KALRN: variants seen among roughly 807,000 people sequenced by gnomAD.
KALRN encodes kalirin RhoGEF kinase, also known as kalirin.
Under a neutral mutation model 353.7 loss-of-function variants are expected in KALRN, and 70 were observed. That is an observed-to-expected ratio of 0.20 (90% CI 0.16 to 0.24). The LOEUF (loss-of-function observed/expected upper bound fraction) is 0.24. Ranked by LOEUF, KALRN falls within the 10% of genes least tolerant of loss-of-function variation. The pLI is 1.00. For synonymous variants in KALRN, 1,391 were observed against 1,434.8 expected (o/e 0.97, Z 0.69); for missense variants, 2,791 against 3,756.7 (o/e 0.74, Z 6.72).
intron 1 of KALRN, chr3:124,164,023 TCACA>T (rs2070421132): frequency 5.2e-6 from 5 of 969,226 alleles, no homozygotes; most frequent in Non-Finnish European, 6.1e-6. Flanking sequence ...ACTGCAGAAC[TCACA>T]CACTTAACTG....
At chr3:124,577,368 T>C (rs2074216556) in intron 34 of KALRN, among the ~76,000 whole-genome samples, 1 of 152,052 alleles carries the variant, frequency 6.6e-6, no homozygotes, top group African/African-American at 2.4e-5. Context: ...AGCTCAGTAA[T>C]GGTTCAGTCA....
At chr3:124,355,709 CTTTTTTT>C (rs3055894) in intron 10 of KALRN, among the ~76,000 whole-genome samples, 38,856 of 97,738 alleles carry the variant, frequency 0.4, 5,566 homozygotes, top group East Asian at 0.66. Flanking sequence ...TCTCTCCCAT[CTTTTTTT>C]TTTTTTTTTT....
intron 3 of KALRN, among the ~76,000 whole-genome samples, chr3:124,251,590 C>T (rs10934661): frequency 0.28 from 42,609 of 151,984 alleles, 7,242 homozygotes; most frequent in Non-Finnish European, 0.37. Flanking sequence ...AGGCTGGTCT[C>T]GAACCCCTGA....
chr3:124,214,115 A>C (rs1362208989), intron 1 of KALRN, among the ~76,000 whole-genome samples: 1 of 152,186 alleles, frequency 6.6e-6, no homozygotes. Flanking sequence ...CCAACTTTTC[A>C]GAGATAACTG....
chr3:124,128,942 G>A (rs894957556), intron 1 of KALRN, among the ~76,000 whole-genome samples: 7 of 151,940 alleles, frequency 4.6e-5, no homozygotes, highest in Admixed American at 2.0e-4. Context: ...CTCTGCACAG[G>A]GATAGAAGCA....
At chr3:124,398,292 G>A (rs114709991) in intron 12 of KALRN, among the ~76,000 whole-genome samples, 1,575 of 152,252 alleles carry the variant, frequency 0.01, 11 homozygotes, top group Non-Finnish European at 0.017. Context: ...TAGTATGTTT[G>A]TCTGTACGTA....
intron 1 of KALRN, among the ~76,000 whole-genome samples, chr3:124,199,337 C>T (rs1270420202): frequency 6.6e-6 from 1 of 152,192 alleles, no homozygotes; most frequent in Admixed American, 6.5e-5. Flanking sequence ...TTTCCCAATG[C>T]CTTAGACCTC....
At chr3:124,360,589 T>C (rs1672797033) in intron 10 of KALRN, among the ~76,000 whole-genome samples, 1 of 152,204 alleles carries the variant, frequency 6.6e-6, no homozygotes, top group South Asian at 2.1e-4. Flanking sequence ...TCAGAGAGCA[T>C]TGGCATGGTT....
At chr3:124,108,361 T>C (rs2062517164) in intron 1 of KALRN, among the ~76,000 whole-genome samples, 1 of 152,244 alleles carries the variant, frequency 6.6e-6, no homozygotes, top group Non-Finnish European at 1.5e-5. Context: ...AATTAGTATA[T>C]TCTTGACTCA....
chr3:124,492,009 C>G (rs565178853), intron 31 of KALRN, among the ~76,000 whole-genome samples: 1 of 152,242 alleles, frequency 6.6e-6, no homozygotes, highest in East Asian at 1.9e-4. Context: ...CTCTGGGGCA[C>G]AGCAGTGATG....
intron 1 of KALRN, among the ~76,000 whole-genome samples, chr3:124,054,175 CA>C (rs1334647351): frequency 6.6e-6 from 1 of 152,040 alleles, no homozygotes; most frequent in Non-Finnish European, 1.5e-5. Context: ...GTTTTTTCAG[CA>C]TCAGCTGCAG....
At chr3:124,338,100 T>C (rs1178775334) in intron 9 of KALRN, among the ~76,000 whole-genome samples, 1 of 152,212 alleles carries the variant, frequency 6.6e-6, no homozygotes, top group African/African-American at 2.4e-5. Context: ...CTGGATTCAC[T>C]GATTTTTTGA....
At chr3:124,595,039 A>T (rs1223091714) in intron 34 of KALRN, among the ~76,000 whole-genome samples, 1 of 151,998 alleles carries the variant, frequency 6.6e-6, no homozygotes, top group East Asian at 1.9e-4. Context: ...TATTGCAACT[A>T]GGAAGAGAAC....
At chr3:124,151,149 C>T (rs1176603792) in intron 1 of KALRN, among the ~76,000 whole-genome samples, 3 of 152,118 alleles carry the variant, frequency 2.0e-5, no homozygotes, top group East Asian at 1.9e-4. Context: ...TGGATACTCT[C>T]GTACATATCT....
intron 34 of KALRN, among the ~76,000 whole-genome samples, chr3:124,573,728 T>C (rs953128656): frequency 6.6e-6 from 1 of 152,156 alleles, no homozygotes; most frequent in African/African-American, 2.4e-5. Flanking sequence ...CCTCAGTCTC[T>C]ATTCCTAACC....
intron 28 of KALRN, among the ~76,000 whole-genome samples, chr3:124,487,047 C>A (rs1270925600): frequency 1.3e-5 from 2 of 152,180 alleles, no homozygotes; most frequent in Non-Finnish European, 2.9e-5. Flanking sequence ...AAGATTTGAT[C>A]TGGTGAACTT....
Position 124,671,855 on chromosome 3 carries a change from G to A in KALRN, c.6899G>A (p.Gly2300Glu), listed in dbSNP as rs1293385472. The change falls in exon 48 of 60, where the codon GGG (glycine) becomes GAG (glutamate). Residue 2300 changes from glycine to glutamate, a missense_variant. Physicochemically the swap from Gly to Glu is moderately conservative, Grantham distance 98. This residue lies in a region of KALRN where 1,065 missense variants were observed against 1,156.4 expected (regional missense o/e 0.92). Coordinates refer to ENST00000682506, the MANE Select transcript of KALRN (RefSeq NM_001388419.1). ...ATATCTACCTCCAATGGCAGTCCAG[G>A]GTTTGAATACCACCAGCCTGGGGAC... ...LKISTSNGSP[G>E]FEYHQPGDKF... The A allele has an allele frequency of 6.2e-6, 10 of 1,613,960 alleles. No individual in the cohort carries two copies. Among genetic ancestry groups the A allele is most frequent in the Non-Finnish European group, 8.5e-6 (10 of 1,180,036 alleles).
chr3:124,671,746 C>G lies in KALRN; in HGVS notation c.6790C>G (p.Pro2264Ala). Residue 2264 changes from proline to alanine, a missense_variant, in exon 48 of 60, where the codon CCC (proline) becomes GCC (alanine). Around this residue, in one of 11 missense-constraint regions of KALRN, gnomAD observed 1,065 missense variants for 1,156.4 expected, o/e 0.92. Coordinates refer to ENST00000682506, the MANE Select transcript of KALRN (RefSeq NM_001388419.1). Reference protein sequence around the residue: ...SQPARLPQASPRPYSSVPAGS... With the variant: ...SQPARLPQASARPYSSVPAGS... ...ACCTGCCAGGCTTCCCCAAGCCAGC[C>G]CCAGGCCCTACTCCTCTGTTCCTGC... 1 of 1,614,164 alleles carries G rather than the reference C, an allele frequency of 6.2e-7. No individual in the cohort carries two copies. Among genetic ancestry groups the G allele is most frequent in the Non-Finnish European group, 8.5e-7 (1 of 1,180,018 alleles).
At chr3:124,209,700 T>C (rs1358091881) in intron 1 of KALRN, among the ~76,000 whole-genome samples, 1 of 152,056 alleles carries the variant, frequency 6.6e-6, no homozygotes, top group Non-Finnish European at 1.5e-5. Context: ...AAGGAATGAA[T>C]AGAATCTGAA....
Sources: gnomAD v4.1 joint callset for allele counts (sites outside exome capture counted in the v4.1 genomes callset) on GRCh38, gnomAD v4.1.1 for gene constraint, gnomAD v4.1.1 regional missense constraint, MANE v1.5 for transcripts, NCBI Gene and HGNC (gene_info 2026-07-23, HGNC 2026-07-21) for gene names.